CACNA1B: variants seen among roughly 807,000 people sequenced by gnomAD.
CACNA1B encodes the protein calcium voltage-gated channel subunit alpha1 B, also known as voltage-dependent N-type calcium channel subunit alpha-1B.
CACNA1B carries 70 observed loss-of-function variants against 247.2 expected under a neutral mutation model. The observed-to-expected ratio is 0.28, with a 90% CI of 0.23 to 0.35. The LOEUF (loss-of-function observed/expected upper bound fraction) is 0.35. CACNA1B is among the 10% of genes least tolerant of loss of function. The pLI is 1.00. For missense variants in CACNA1B, 2,367 were observed against 3,197.4 expected (o/e 0.74, Z 6.26); for synonymous variants, 1,231 against 1,294.4 (o/e 0.95, Z 1.05).
At position 137,973,037 on chromosome 9, in the gene CACNA1B, A is replaced by G. The variant is rs1378814453; in HGVS notation, c.1543+1445A>G. Among the ~76,000 whole-genome samples the G allele has an allele frequency of 6.6e-6, 1 of 152,184 alleles. No individual in the cohort carries two copies. Among genetic ancestry groups the G allele is most frequent in the East Asian group, 1.9e-4 (1 of 5,178 alleles). On this transcript the variant is annotated intron_variant, in intron 11 of 46. Transcript: ENST00000371372. The surrounding 1 kb of genome is among the most constrained non-coding windows in gnomAD (Gnocchi z 4.1). ...GGGACCAAGGACTTCCTCCTGACCC[A>G]GTGACTAGGCCTGTTCTTCCCCGTG...
At chr9:137,964,458 T>A (rs553136997) in intron 10 of CACNA1B, among the ~76,000 whole-genome samples, 1 of 152,210 alleles carries the variant, frequency 6.6e-6, no homozygotes. Flanking sequence ...AGCTCTGAGA[T>A]TCTTTCCTCT....
rs1005510510 is a variant in CACNA1B, at chr9:137,957,780, GC to G, written c.1333+97del. The G allele has an allele frequency of 8.5e-6, 7 of 825,794 alleles. No individual in the cohort carries two copies. Among genetic ancestry groups the G allele is most frequent in the Non-Finnish European group, 1.3e-5 (7 of 542,026 alleles). 51.2% of individuals were successfully genotyped at this position (825,794 alleles called of 1,614,324 possible). ...CCCTGCTACCCAGCCACTGTTGGAC[GC>G]CCCTTCTTGCCCAAACGCCTGCAGG... On this transcript the variant is annotated intron_variant, in intron 10 of 46. Coordinates refer to ENST00000371372, the MANE Select transcript of CACNA1B (RefSeq NM_000718.4). The surrounding 1 kb of genome is among the most constrained non-coding windows in gnomAD (Gnocchi z 4.7).
At chr9:138,039,278 G>A (rs1331163917) in intron 20 of CACNA1B, among the ~76,000 whole-genome samples, 1 of 151,496 alleles carries the variant, frequency 6.6e-6, no homozygotes, top group East Asian at 1.9e-4. Flanking sequence ...AAGATTGTAG[G>A]ATTTTAATCT....
At chr9:138,035,944 G>C (rs912167756) in intron 20 of CACNA1B, among the ~76,000 whole-genome samples, 3 of 152,088 alleles carry the variant, frequency 2.0e-5, no homozygotes, top group Non-Finnish European at 4.4e-5. Context: ...AAGAATTCTT[G>C]TTTGATTCAT....
chr9:138,030,458 C>G (rs1331150132), intron 20 of CACNA1B, among the ~76,000 whole-genome samples: 1 of 152,006 alleles, frequency 6.6e-6, no homozygotes. Flanking sequence ...ATAATTATTT[C>G]TCTATGTTGC....
intron 39 of CACNA1B, among the ~76,000 whole-genome samples, chr9:138,109,487 C>G (rs143723020): frequency 6.6e-6 from 1 of 152,322 alleles, no homozygotes; most frequent in East Asian, 1.9e-4. Flanking sequence ...TGTCCTCAAA[C>G]AGACTTGCCT....
Position 138,023,129 on chromosome 9 carries a change from C to T in CACNA1B, c.2386C>T (p.Arg796Trp). Residue 796 changes from arginine to tryptophan, a missense_variant, in exon 19 of 47, where the codon CGG becomes TGG. Coordinates refer to ENST00000371372, the MANE Select transcript of CACNA1B (RefSeq NM_000718.4). Reference sequence around the variant, plus strand: ...GTACAGCGAGATGGACCCCGAGGAGCGGCTGCGCTTCGCCACTACGCGCCA... The same window carrying T: ...GTACAGCGAGATGGACCCCGAGGAGTGGCTGCGCTTCGCCACTACGCGCCA... ...ALYSEMDPEE[R>W]LRFATTRHLR... 1 of 1,536,730 alleles carries T rather than the reference C, an allele frequency of 6.5e-7. No individual in the cohort carries two copies. The highest frequency in any genetic ancestry group is 8.7e-7 in the Non-Finnish European group (1 of 1,149,234).
chr9:137,955,660 A>T lies in CACNA1B; in HGVS notation c.1071-38A>T. The stretch of plus-strand genomic sequence containing the variant: ...GGGGCTGCACACCTGTGGGGCTTGC[A>T]CTCACCTGATCTTGCTTTTCCGGCC... On this transcript the variant is annotated intron_variant, in intron 7 of 46. Transcript: ENST00000371372. This position sits in a 1 kb window ranked among gnomAD's most constrained non-coding sequence, Gnocchi z 6.9. 1.4e-6 allele frequency: 2 copies of T among 1,384,742 alleles called. No homozygotes were observed. Among genetic ancestry groups the T allele is most frequent in the Non-Finnish European group, 2.0e-6 (2 of 982,260 alleles). The allele number at this position is 1,384,742 out of a possible 1,614,324, so 85.8% of individuals were successfully genotyped here. A position where few individuals can be genotyped will look rare whatever the true frequency, so the allele number is the denominator to read the frequency against.
Position 138,052,029 on chromosome 9 carries a change from C to A in CACNA1B, c.3711-63C>A. ...GAGCAGGACTCAGACCCTGGGGGGC[C>A]ACGTGGGAGCTGGGCACACCCATGC... On this transcript the variant is annotated intron_variant, in intron 24 of 46. Coordinates refer to ENST00000371372, the MANE Select transcript of CACNA1B (RefSeq NM_000718.4). The surrounding 1 kb of genome is among the most constrained non-coding windows in gnomAD (Gnocchi z 5.1). 2 of 928,782 alleles carry A rather than the reference C, an allele frequency of 2.2e-6. No homozygotes were observed. Among genetic ancestry groups the A allele is most frequent in the Non-Finnish European group, 3.5e-6 (2 of 574,044 alleles). The allele number at this position is 928,782 out of a possible 1,614,324, so 57.5% of individuals were successfully genotyped here.
chr9:138,117,332 TGAGG>T (rs1322003141), intron 42 of CACNA1B, among the ~76,000 whole-genome samples: 1 of 151,986 alleles, frequency 6.6e-6, no homozygotes, highest in Non-Finnish European at 1.5e-5. Context: ...AAGGGACCCC[TGAGG>T]GAGGAAGCCC....
chr9:137,983,608 G>A lies in CACNA1B; in HGVS notation c.1657-530G>A, dbSNP rs111800346. On this transcript the variant is annotated intron_variant, in intron 12 of 46. Transcript: ENST00000371372. ...GCATGTGCTGTTTCCTGGTCATTGG[G>A]AGAAGAAAAGACTCAAGATGCAATT... Among the ~76,000 whole-genome samples the A allele has an allele frequency of 7.2e-3, 1,090 of 152,298 alleles. 5 individuals carry two copies. The highest frequency in any genetic ancestry group is 0.011 in the Non-Finnish European group (739 of 68,032).
chr9:138,091,112 G>T (rs1960863814), intron 36 of CACNA1B, among the ~76,000 whole-genome samples: 1 of 152,110 alleles, frequency 6.6e-6, no homozygotes, highest in African/African-American at 2.4e-5. Context: ...ACTATTCACA[G>T]TAGCCAAGAT....
At chr9:137,883,158 C>T (rs1335078220) in intron 3 of CACNA1B, among the ~76,000 whole-genome samples, 2 of 152,090 alleles carry the variant, frequency 1.3e-5, no homozygotes, top group Non-Finnish European at 2.9e-5. Context: ...GGCCAGGGGC[C>T]ACCAGCTTCC....
chr9:138,108,406 C>CAAGA (rs1271528128), intron 39 of CACNA1B, among the ~76,000 whole-genome samples: 1 of 151,574 alleles, frequency 6.6e-6, no homozygotes, highest in Non-Finnish European at 1.5e-5. Context: ...AAGACAATCC[C>CAAGA]AGGTCCAAAT....
intron 1 of CACNA1B, among the ~76,000 whole-genome samples, chr9:137,878,690 A>T (rs1341973988): frequency 2.6e-5 from 4 of 152,004 alleles, no homozygotes; most frequent in Non-Finnish European, 4.4e-5. Context: ...GTCTGGAGGG[A>T]GCAGCGTGCG....
chr9:137,965,065 C>A (rs1172007069), intron 10 of CACNA1B, among the ~76,000 whole-genome samples: 1 of 152,232 alleles, frequency 6.6e-6, no homozygotes, highest in African/African-American at 2.4e-5. Flanking sequence ...CCTGCCGCAT[C>A]CTCTATAAGC....
In CACNA1B at chr9:137,948,777, G is replaced by A. The variant is rs371012612; in HGVS notation, c.967-3497G>A. On this transcript the variant is annotated intron_variant, in intron 6 of 46. Coordinates refer to ENST00000371372, the MANE Select transcript of CACNA1B (RefSeq NM_000718.4). ...GTGTGTGCCTGTATCTGGTGCATGT[G>A]GTATGTGTGTGGTGTGTGTGTGTGT... 4.3e-3 allele frequency among the ~76,000 whole-genome samples: 637 copies of A among 147,970 alleles called. 3 individuals carry two copies. Among genetic ancestry groups the A allele is most frequent in the Non-Finnish European group, 7.0e-3 (466 of 66,624 alleles).
intron 15 of CACNA1B, among the ~76,000 whole-genome samples, chr9:138,006,170 A>G (rs1394341504): frequency 6.6e-6 from 1 of 152,054 alleles, no homozygotes; most frequent in Admixed American, 6.5e-5. Context: ...ACCATTGCAC[A>G]TGGGGCAAAA....
intron 12 of CACNA1B, among the ~76,000 whole-genome samples, chr9:137,977,742 G>A (rs973139090): frequency 1.3e-5 from 2 of 152,124 alleles, no homozygotes; most frequent in Non-Finnish European, 2.9e-5. Context: ...AGGAGTGGGA[G>A]TAAGTACTCC....
Sources: allele counts gnomAD v4.1 joint callset (sites outside exome capture counted in the v4.1 genomes callset), GRCh38; gene constraint gnomAD v4.1.1; non-coding constraint Gnocchi (gnomAD v3.1); transcripts MANE v1.5; gene names NCBI Gene and HGNC (gene_info 2026-07-23, HGNC 2026-07-21).